SDHA: variants seen among roughly 807,000 people sequenced by gnomAD.
The protein encoded by SDHA is succinate dehydrogenase complex flavoprotein subunit A, also known as succinate dehydrogenase [ubiquinone] flavoprotein subunit, mitochondrial.
In SDHA, 48 loss-of-function variants were observed where a neutral mutation model predicts 78.4. That is an observed-to-expected ratio of 0.61 (90% CI 0.49 to 0.78). The LOEUF is 0.78. Among genes scored for constraint, SDHA ranks in the 30% least tolerant of loss-of-function variants. The pLI is 0.00. For missense variants in SDHA, 680 were observed against 892.7 expected, an observed-to-expected ratio of 0.76 and a Z score of 3.04; for synonymous variants, 326 against 353.9, an observed-to-expected ratio of 0.92 and a Z score of 0.88.
chr5:223,531 A>T lies in SDHA; in HGVS notation c.113A>T (p.Asp38Val), dbSNP rs34635677. 68,540 of 1,613,484 alleles carry T rather than the reference A, an allele frequency of 0.042. 1,760 individuals are homozygous for T. Among genetic ancestry groups the T allele is most frequent in the South Asian group, 0.06 (5,482 of 91,062 alleles). ...ACCCGAGGTTTTCACTTCACTGTTG[A>T]TGGGAACAAGAGGGCATCTGCTAAA... ...TGTRGFHFTV[D>V]GNKRASAKVS... Residue 38 changes from aspartate (D) to valine (V), a missense_variant, in exon 2 of 15, where the codon GAT becomes GTT. Asp to Val is a radical substitution (Grantham distance 152, BLOSUM62 -3). Coordinates refer to ENST00000264932, the MANE Select transcript of SDHA (RefSeq NM_004168.4).
At position 233,752 on chromosome 5, in the gene SDHA, C is replaced by G. The variant is rs1735579546; in HGVS notation, c.1064+107C>G. 1.4e-5 allele frequency: 15 copies of G among 1,091,882 alleles called. No individual in the cohort carries two copies. The South Asian group carries it at 1.6e-4, about 12-fold the overall frequency. 67.6% of individuals were successfully genotyped at this position (1,091,882 alleles called of 1,614,324 possible). On this transcript the variant is annotated intron_variant, in intron 8 of 14. Coordinates refer to ENST00000264932, the MANE Select transcript of SDHA (RefSeq NM_004168.4). ...TCACCTTCGTGTGCAGGCGCATGTG[C>G]ACAGCCACCTCTCTTAGCTGCTGGC...
At chr5:229,334 C>T (rs990133943) in intron 6 of SDHA, among the ~76,000 whole-genome samples, 8 of 152,218 alleles carry the variant, frequency 5.3e-5, no homozygotes, top group African/African-American at 1.9e-4. Context: ...GCATTATTCA[C>T]AATACCCGAG....
At chr5:255,172 G>GCGTCC (rs1298275006) in intron 14 of SDHA, among the ~76,000 whole-genome samples, 2 of 151,902 alleles carry the variant, frequency 1.3e-5, no homozygotes, top group Admixed American at 6.6e-5. Flanking sequence ...CACAAGCACA[G>GCGTCC]TTCACCTGTG....
At chr5:258,525 C>A (rs1651337), downstream of SDHA, among the ~76,000 whole-genome samples, 1 of 119,092 alleles carries the variant, frequency 8.4e-6, no homozygotes, top group Non-Finnish European at 1.6e-5. Flanking sequence ...CCTGCCAGAG[C>A]ATTACTGTGA....
chr5:240,527 C>T (rs780835303), intron 11 of SDHA, 51 bp downstream of exon 11: 31 of 1,201,148 alleles, frequency 2.6e-5, no homozygotes, highest in Admixed American at 5.1e-5. Context: ...CATACCTGGC[C>T]CTGCACTGGT....
chr5:249,629 T>C (rs1406194496), intron 11 of SDHA: 1 of 152,412 alleles, frequency 6.6e-6, no homozygotes, highest in Non-Finnish European at 1.5e-5. Context: ...ATCTTATCAC[T>C]GGCTTGCTGT....
chr5:227,711 C>A (rs913154105), intron 5 of SDHA: 1 of 231,460 alleles, frequency 4.3e-6, no homozygotes, highest in African/African-American at 2.3e-5. Flanking sequence ...TGCAACCGTC[C>A]GCTTTGGTAG....
intron 1 of SDHA, among the ~76,000 whole-genome samples, chr5:220,927 C>T (rs530783330): frequency 6.6e-6 from 1 of 152,038 alleles, no homozygotes; most frequent in South Asian, 2.1e-4. Flanking sequence ...ATTCTCCTGC[C>T]TCAGCCTCCT....
chr5:268,060 G>A, the SDHA span, among the ~76,000 whole-genome samples: 1 of 152,224 alleles, frequency 6.6e-6, no homozygotes, highest in African/African-American at 2.4e-5. Context: ...GTTTCTTAGA[G>A]GTCAGGGTTG....
rs774160524 is a variant in SDHA at position 228,269 on chromosome 5, G to T, written c.706G>T (p.Ala236Ser). 6.2e-7 allele frequency: 1 copy of T among 1,613,688 alleles called. No individual in the cohort carries two copies. The highest frequency in any genetic ancestry group is 8.5e-7 in the Non-Finnish European group (1 of 1,179,736). The change falls in exon 6 of 15, where the codon GCA (alanine) becomes TCA (serine). Residue 236 changes from alanine to serine, a missense_variant. Ala to Ser is a moderately conservative substitution (Grantham distance 99, BLOSUM62 1). Coordinates refer to ENST00000264932, the MANE Select transcript of SDHA (RefSeq NM_004168.4). The part of the protein sequence containing the change: ...MENGECRGVI[A>S]LCIEDGSIHR... ...GAATGGGGAGTGCCGTGGTGTCATC[G>T]CACTGTGCATAGAGGACGGGTCCAT...
chr5:246,522 A>ATT, intron 11 of SDHA, among the ~76,000 whole-genome samples: 1 of 152,282 alleles, frequency 6.6e-6, no homozygotes, highest in Admixed American at 6.5e-5. Flanking sequence ...AGCTGATCGA[A>ATT]AAGCAAGGCC....
Position 230,976 on chromosome 5 carries a change from G to C in SDHA, c.871G>C (p.Glu291Gln). Residue 291 changes from glutamate to glutamine, a missense_variant, in exon 7 of 15, where the codon GAG becomes CAG. Coordinates refer to ENST00000264932, the MANE Select transcript of SDHA (RefSeq NM_004168.4). ...GGCAGGCCTTCCTTGCCAGGACCTAGAGTTTGTTCAGTTCCACCCTACAGG... is the reference window on the plus strand; with the variant it reads ...GGCAGGCCTTCCTTGCCAGGACCTACAGTTTGTTCAGTTCCACCCTACAGG... ...TRAGLPCQDL[E>Q]FVQFHPTGIY... The C allele has an allele frequency of 2.5e-6, 4 of 1,613,980 alleles. No individual in the cohort carries two copies. Among genetic ancestry groups the C allele is most frequent in the Non-Finnish European group, 3.4e-6 (4 of 1,179,878 alleles).
chr5:251,103 G>T lies in SDHA; in HGVS notation c.1663G>T (p.Gly555Ter), dbSNP rs1392860800. The change falls in exon 12 of 15, where the codon GGA (glycine) becomes TGA (stop). Residue 555 changes from glycine to a stop codon, truncating the protein, a stop_gained and splice_region_variant. Coordinates refer to ENST00000264932, the MANE Select transcript of SDHA (RefSeq NM_004168.4). LOFTEE classifies it high-confidence loss of function. ...DLKHLKTFDR[G>*]MVWNTDLVET... The stretch of plus-strand genomic sequence containing the variant: ...AAAGCACCTGAAGACGTTCGACCGG[G>T]GTGAGCAGACAGTGGGCTCTGTGCA... 2 of 1,611,586 alleles carry T rather than the reference G, an allele frequency of 1.2e-6. No homozygotes were observed. Among genetic ancestry groups the T allele is most frequent in the South Asian group, 2.2e-5 (2 of 90,978 alleles).
intron 3 of SDHA, 57 bp from the exon 4 acceptor site, chr5:225,362 G>A (rs369382811): frequency 1.2e-6 from 2 of 1,611,270 alleles, no homozygotes; most frequent in Non-Finnish European, 8.5e-7. Context: ...ATTTGGGCCT[G>A]GAAGACAAAG....
At chr5:235,446 C>T in intron 9 of SDHA, 107 bp downstream of exon 9, 1 of 1,077,968 alleles carries the variant, frequency 9.3e-7, no homozygotes, top group East Asian at 2.5e-5. Context: ...ATGTTTCCTT[C>T]AAGAAAGTAC....
intron 3 of SDHA, chr5:224,990 T>A: frequency 3.1e-6 from 1 of 325,094 alleles, no homozygotes. Flanking sequence ...GAGTGTGGAG[T>A]TTATTACTTG....
In SDHA at chr5:225,577, G is replaced by A. The variant is rs2126547940; in HGVS notation, c.456+15G>A. 5 of 1,613,882 alleles carry A rather than the reference G, an allele frequency of 3.1e-6. No homozygotes were observed. The highest frequency in any genetic ancestry group is 4.2e-6 in the Non-Finnish European group (5 of 1,179,826). On this transcript the variant is annotated intron_variant, in intron 4 of 14. Coordinates refer to ENST00000264932, the MANE Select transcript of SDHA (RefSeq NM_004168.4). ...CCGTGGTCGAGGTGATGGGCGGGAGGCTCTGGGTGTTCTCGTGGTCTGTTT... is the reference window on the plus strand; with the variant it reads ...CCGTGGTCGAGGTGATGGGCGGGAGACTCTGGGTGTTCTCGTGGTCTGTTT...
intron 4 of SDHA, 139 bp from the exon 5 acceptor site, chr5:225,744 T>C: frequency 1.5e-6 from 2 of 1,362,882 alleles, no homozygotes; most frequent in Non-Finnish European, 2.1e-6. Context: ...AACTTCTCTT[T>C]GATGAAGTGT....
At chr5:234,650 C>T in intron 8 of SDHA, 1 of 214,590 alleles carries the variant, frequency 4.7e-6, no homozygotes, top group East Asian at 1.1e-4. Context: ...ATGAGTCATC[C>T]TGGAGTTGCT....
Sources: allele counts gnomAD v4.1 joint callset (sites outside exome capture counted in the v4.1 genomes callset), GRCh38; gene constraint gnomAD v4.1.1; transcripts MANE v1.5; gene names NCBI Gene and HGNC (gene_info 2026-07-23, HGNC 2026-07-21).